The following PALM2AKAP2 variants were observed in gnomAD, a reference collection of about 807,000 sequenced individuals.
PALM2AKAP2 encodes PALM2 and AKAP2 fusion, also known as PALM2-AKAP2 fusion protein.
PALM2AKAP2 carries 37 observed loss-of-function variants against 71.5 expected under a neutral mutation model. The observed-to-expected ratio is 0.52, with a 90% CI of 0.40 to 0.68. The LOEUF is 0.68. Among genes scored for constraint, PALM2AKAP2 ranks in the 30% least tolerant of loss-of-function variants. The pLI is 0.00. For missense variants in PALM2AKAP2, 1,224 were observed against 1,191.8 expected (o/e 1.03, Z -0.40); for synonymous variants, 468 against 478.8 (o/e 0.98, Z 0.29).
chr9:109,850,512 G>C (rs551229132), intron 1 of PALM2AKAP2, among the ~76,000 whole-genome samples: 24 of 151,966 alleles, frequency 1.6e-4, no homozygotes, highest in Non-Finnish European at 3.4e-4. Flanking sequence ...CTAAGAGAAG[G>C]GGCCTGAAAG....
chr9:109,869,638 C>G (rs1470606267), intron 2 of PALM2AKAP2, among the ~76,000 whole-genome samples: 1 of 140,226 alleles, frequency 7.1e-6, no homozygotes, highest in East Asian at 2.1e-4. Flanking sequence ...TCTATGCATC[C>G]ATTCATCCAT....
chr9:109,768,904 G>A (rs1455379118), intron 1 of PALM2AKAP2, among the ~76,000 whole-genome samples: 4 of 152,124 alleles, frequency 2.6e-5, no homozygotes, highest in African/African-American at 9.7e-5. Flanking sequence ...AGGATTGCTT[G>A]CACCTAAGAG....
intron 1 of PALM2AKAP2, among the ~76,000 whole-genome samples, chr9:109,726,972 G>C (rs1828486649): frequency 6.6e-6 from 1 of 152,104 alleles, no homozygotes; most frequent in East Asian, 1.9e-4. Context: ...CAATCTAGAG[G>C]GATCTTGAGA....
At chr9:109,765,522 C>A (rs1255138108) in intron 1 of PALM2AKAP2, 1 of 154,894 alleles carries the variant, frequency 6.5e-6, no homozygotes, top group East Asian at 1.9e-4. Flanking sequence ...TCATCAATGA[C>A]ATCTGTGGTT....
chr9:109,699,539 T>C (rs539753303), intron 1 of PALM2AKAP2, among the ~76,000 whole-genome samples: 7 of 152,296 alleles, frequency 4.6e-5, no homozygotes, highest in African/African-American at 1.7e-4. Context: ...GGCCAGAACA[T>C]TATTCCACCA....
chr9:109,734,244 A>AT (rs968100437), intron 1 of PALM2AKAP2, among the ~76,000 whole-genome samples: 162 of 149,574 alleles, frequency 1.1e-3, no homozygotes, highest in East Asian at 2.9e-3. Flanking sequence ...ATTTGTAGTC[A>AT]TTTTTTTTTT....
intron 1 of PALM2AKAP2, among the ~76,000 whole-genome samples, chr9:109,729,837 A>G (rs1187397540): frequency 1.3e-5 from 2 of 152,348 alleles, no homozygotes; most frequent in African/African-American, 4.8e-5. Flanking sequence ...ACAGAAAGGA[A>G]CTAGCATTGT....
At chr9:110,126,997 A>G (rs941845437) in intron 1 of PALM2AKAP2, among the ~76,000 whole-genome samples, 4 of 152,184 alleles carry the variant, frequency 2.6e-5, no homozygotes, top group Admixed American at 6.5e-5. Flanking sequence ...CCTTGTTTCC[A>G]GTGAAGGGGT....
intron 5 of PALM2AKAP2, among the ~76,000 whole-genome samples, chr9:109,929,127 A>G (rs1471418965): frequency 6.6e-6 from 1 of 151,720 alleles, no homozygotes; most frequent in Non-Finnish European, 1.5e-5. Flanking sequence ...AGCCCTGGGA[A>G]TCACATGTTC....
upstream of PALM2AKAP2, among the ~76,000 whole-genome samples, chr9:110,044,344 CTTTTTT>C (rs57314430): frequency 1.0e-4 from 8 of 80,152 alleles, no homozygotes; most frequent in African/African-American, 2.2e-4. Flanking sequence ...TTCTTTCTTT[CTTTTTT>C]TTTTTTTTTT....
rs113718279 is a variant in PALM2AKAP2 at position 110,042,186 on chromosome 9, G to A, written c.582+26147G>A. 8.5e-3 allele frequency among the ~76,000 whole-genome samples: 1,292 copies of A among 152,280 alleles called. 19 individuals carry two copies. Among genetic ancestry groups the A allele is most frequent in the African/African-American group, 0.026 (1,090 of 41,554 alleles). On this transcript the variant is annotated intron_variant, in intron 7 of 9. Coordinates refer to the PALM2AKAP2 transcript ENST00000302798. ...TCAGGCCTGTAATCTCAGCACTTTG[G>A]GAGGCCGAAGCTTGCAGATCACCTG...
exon 1 of PALM2AKAP2, chr9:109,780,462 TC>T (rs1829423858): frequency 6.2e-7 from 1 of 1,612,990 alleles, no homozygotes; most frequent in East Asian, 2.2e-5. Flanking sequence ...CTTTCCTCTT[TC>T]CCCTGCCTGT....
intron 6 of PALM2AKAP2, among the ~76,000 whole-genome samples, chr9:109,965,854 G>A (rs1196566904): frequency 6.6e-6 from 1 of 152,086 alleles, no homozygotes; most frequent in Non-Finnish European, 1.5e-5. Context: ...GAGTTCAGAA[G>A]TGGGAGTTCA....
chr9:110,161,958 G>T, intron 3 of PALM2AKAP2, 136 bp from the exon 10 acceptor site: 1 of 1,095,814 alleles, frequency 9.1e-7, no homozygotes, highest in Non-Finnish European at 1.3e-6. Flanking sequence ...GAAAGTTTTG[G>T]CATGGGTGTA....
chr9:110,154,565 G>T (rs1836401039), intron 2 of PALM2AKAP2, among the ~76,000 whole-genome samples: 1 of 152,058 alleles, frequency 6.6e-6, no homozygotes, highest in Non-Finnish European at 1.5e-5. Flanking sequence ...ATGTTTATAG[G>T]GGTCATTATA....
chr9:110,105,330 CAT>C (rs1025118445), intron 1 of PALM2AKAP2, among the ~76,000 whole-genome samples: 6 of 152,170 alleles, frequency 3.9e-5, no homozygotes, highest in Admixed American at 3.9e-4. Flanking sequence ...TTCCTGGTAA[CAT>C]AGAGTTGTTT....
intron 1 of PALM2AKAP2, among the ~76,000 whole-genome samples, chr9:109,839,704 C>A (rs1320449654): frequency 1.3e-5 from 2 of 152,202 alleles, no homozygotes; most frequent in East Asian, 1.9e-4. Flanking sequence ...GTGCAAAATT[C>A]ACAAGCATTC....
rs116283719 is a variant in PALM2AKAP2 at position 109,858,306 on chromosome 9, C to T, written c.46-9185C>T. Reference sequence around the variant, plus strand: ...ACATGTTAAATCACACAAAACAGTGCCTGGCACACAGTGACCACTATGTAA... The same window carrying T: ...ACATGTTAAATCACACAAAACAGTGTCTGGCACACAGTGACCACTATGTAA... On this transcript the variant is annotated intron_variant, in intron 1 of 9. Coordinates refer to the PALM2AKAP2 transcript ENST00000302798. 4.0e-3 allele frequency among the ~76,000 whole-genome samples: 609 copies of T among 152,156 alleles called. 3 individuals are homozygous for T. The highest frequency in any genetic ancestry group is 0.014 in the African/African-American group (581 of 41,484).
At chr9:110,154,940 G>T (rs2119210302) in intron 2 of PALM2AKAP2, among the ~76,000 whole-genome samples, 1 of 152,324 alleles carries the variant, frequency 6.6e-6, no homozygotes, top group Non-Finnish European at 1.5e-5. Flanking sequence ...GTTAAAGCTA[G>T]GAGAATTTAA....
Sources: allele counts gnomAD v4.1 joint callset (sites outside exome capture counted in the v4.1 genomes callset), GRCh38; gene constraint gnomAD v4.1.1; transcripts MANE v1.5; gene names NCBI Gene and HGNC (gene_info 2026-07-23, HGNC 2026-07-21).